ATP9B: variants seen among roughly 807,000 people sequenced by gnomAD.
ATP9B encodes the protein probable phospholipid-transporting ATPase IIB.
ATP9B carries 110 observed loss-of-function variants against 146.1 expected under a neutral mutation model. That is an observed-to-expected ratio of 0.75 (90% CI 0.65 to 0.88). The LOEUF is 0.88. Ranked by LOEUF, ATP9B falls within the 40% of genes least tolerant of loss-of-function variation. ATP9B has a pLI of 0.00. For missense variants in ATP9B, 1,499 were observed against 1,496.4 expected (o/e 1.00, Z -0.03); for synonymous variants, 604 against 569.7 (o/e 1.06, Z -0.86).
chr18:79,279,665 A>G (rs562534899), intron 13 of ATP9B, among the ~76,000 whole-genome samples: 1 of 152,382 alleles, frequency 6.6e-6, no homozygotes, highest in Admixed American at 6.5e-5. Context: ...AATCATTAAA[A>G]ATAAATGTAA....
intron 7 of ATP9B, among the ~76,000 whole-genome samples, chr18:79,162,818 C>G (rs1164053808): frequency 6.6e-6 from 1 of 152,162 alleles, no homozygotes; most frequent in Non-Finnish European, 1.5e-5. Flanking sequence ...GATTTGTGAG[C>G]TGTTGTAGGA....
intron 18 of ATP9B, among the ~76,000 whole-genome samples, chr18:79,337,078 C>T (rs555778700): frequency 8.8e-4 from 133 of 150,890 alleles, no homozygotes; most frequent in Non-Finnish European, 1.3e-3. Context: ...ACACGGAGCA[C>T]GTACACGTGT....
intron 26 of ATP9B, chr18:79,362,289 T>C (rs1486660165): frequency 6.6e-6 from 1 of 152,206 alleles, no homozygotes; most frequent in Admixed American, 6.5e-5. Context: ...CAACCTCAAG[T>C]ATAAACATTT....
intron 9 of ATP9B, among the ~76,000 whole-genome samples, chr18:79,204,420 G>A (rs1402811320): frequency 6.6e-6 from 1 of 152,062 alleles, no homozygotes; most frequent in Non-Finnish European, 1.5e-5. Context: ...ACAAATACTA[G>A]TATTACTCTT....
intron 11 of ATP9B, among the ~76,000 whole-genome samples, chr18:79,219,784 TA>T (rs1016640049): frequency 1.3e-5 from 2 of 152,164 alleles, no homozygotes; most frequent in African/African-American, 4.8e-5. Context: ...TTCCTGAGGT[TA>T]AAAAATGCTT....
In ATP9B at chr18:79,208,138, G is replaced by C. The variant is rs183826784; in HGVS notation, c.1030+1126G>C. Among the ~76,000 whole-genome samples, 369 of 152,198 alleles carry C rather than the reference G, an allele frequency of 2.4e-3. 6 individuals carry two copies. The highest frequency in any genetic ancestry group is 6.8e-3 in the Middle Eastern group (2 of 294). ...CGGGCGCCTGTAGTCCCAGCTACTC[G>C]GGGGGCTGAGGCAGGAGAATGGCGG... On this transcript the variant is annotated intron_variant, in intron 10 of 29. Coordinates refer to ENST00000426216, the MANE Select transcript of ATP9B (RefSeq NM_198531.5).
chr18:79,134,961 G>A (rs2094431054), intron 5 of ATP9B, among the ~76,000 whole-genome samples: 1 of 152,152 alleles, frequency 6.6e-6, no homozygotes, highest in Non-Finnish European at 1.5e-5. Context: ...TTGTAGTTAA[G>A]GTTTACTGCA....
Position 79,337,357 on chromosome 18 carries a change from G to A in ATP9B, c.2191G>A (p.Glu731Lys). ...VAAVVESLEREMELLCLTGVE... is the reference protein window; with the variant it reads ...VAAVVESLERKMELLCLTGVE... ...CGCGGTAGTCGAGAGCCTGGAGAGG[G>A]AGATGGAACTGCTGTGCCTCACCGG... Residue 731 changes from glutamate to lysine, a missense_variant, in exon 19 of 30, where the codon GAG becomes AAG. Transcript: ENST00000426216. 1 of 1,614,158 alleles carries A rather than the reference G, an allele frequency of 6.2e-7. No individual in the cohort carries two copies. Among genetic ancestry groups the A allele is most frequent in the Non-Finnish European group, 8.5e-7 (1 of 1,180,044 alleles).
intron 11 of ATP9B, among the ~76,000 whole-genome samples, chr18:79,224,945 G>C (rs758002991): frequency 6.6e-6 from 1 of 152,206 alleles, no homozygotes; most frequent in Non-Finnish European, 1.5e-5. Flanking sequence ...GTCTCCAGCA[G>C]CTCCCAGGAA....
At chr18:79,214,869 C>T (rs1272024130) in intron 11 of ATP9B, among the ~76,000 whole-genome samples, 1 of 152,112 alleles carries the variant, frequency 6.6e-6, no homozygotes, top group East Asian at 1.9e-4. Context: ...AAAGATAGGC[C>T]AAGCGTGGTG....
intron 2 of ATP9B, among the ~76,000 whole-genome samples, chr18:79,107,546 T>C (rs1176027176): frequency 6.6e-6 from 1 of 152,070 alleles, no homozygotes; most frequent in African/African-American, 2.4e-5. Context: ...TGCTGAGCCT[T>C]CGTAGTGTGT....
intron 3 of ATP9B, among the ~76,000 whole-genome samples, chr18:79,111,580 T>C (rs2146992983): frequency 1.3e-5 from 2 of 152,370 alleles, no homozygotes; most frequent in Middle Eastern, 3.4e-3. Context: ...CACTGTTTTC[T>C]GCTTAGGTTT....
Position 79,303,675 on chromosome 18 carries a change from A to G in ATP9B, c.1483A>G (p.Met495Val), listed in dbSNP as rs768374404. The change falls in exon 14 of 30, where the codon ATG becomes GTG. Residue 495 changes from methionine to valine, a missense_variant. By Grantham distance (21) the Met-to-Val change is conservative (BLOSUM62 1). Coordinates refer to ENST00000426216, the MANE Select transcript of ATP9B (RefSeq NM_198531.5). ...LGTVSYGADTMDEIQSHVRDS... is the reference protein window; with the variant it reads ...LGTVSYGADTVDEIQSHVRDS... Reference sequence around the variant, plus strand: ...CACCGTGTCCTATGGCGCCGACACGATGGATGAGATCCAGAGCCATGTCAG... The same window carrying G: ...CACCGTGTCCTATGGCGCCGACACGGTGGATGAGATCCAGAGCCATGTCAG... 3.1e-6 allele frequency: 5 copies of G among 1,614,080 alleles called. No individual in the cohort carries two copies. In the East Asian group the frequency reaches 1.1e-4, roughly 36 times the overall value.
At position 79,367,195 on chromosome 18, in the gene ATP9B, C is replaced by CCGTCCAT. The variant is rs1292261096; in HGVS notation, c.3013-5627_3013-5626insCCATCGT. On this transcript the variant is annotated intron_variant, in intron 26 of 29. Coordinates refer to ENST00000426216, the MANE Select transcript of ATP9B (RefSeq NM_198531.5). ...GAGCACACAGATACCTTCACCTCCA[C>CCGTCCAT]CGTGTGTATGCAGAGAAAGTGCCTC... Among the ~76,000 whole-genome samples, 3 of 85,746 alleles carry CCGTCCAT rather than the reference C, an allele frequency of 3.5e-5. 1 individual carries two copies. Among genetic ancestry groups the CCGTCCAT allele is most frequent in the African/African-American group, 1.5e-4 (3 of 19,490 alleles). The allele number at this position is 85,746 out of a possible 152,430, so 56.3% of individuals were successfully genotyped here. A position where few individuals can be genotyped will look rare whatever the true frequency, so the allele number is the denominator to read the frequency against.
At position 79,263,544 on chromosome 18, in the gene ATP9B, A is replaced by G. The variant is rs114007604; in HGVS notation, c.1268+10003A>G. Among the ~76,000 whole-genome samples the G allele has an allele frequency of 7.6e-3, 1,152 of 152,330 alleles. 18 individuals are homozygous for G. The highest frequency in any genetic ancestry group is 0.027 in the African/African-American group (1,106 of 41,572). On this transcript the variant is annotated intron_variant, in intron 12 of 29. Coordinates refer to ENST00000426216, the MANE Select transcript of ATP9B (RefSeq NM_198531.5). ...TGTTTTGCTAGTTTCTATAATTGAAATCATACTGGATGTTTTCTTTTTGTC... is the reference window on the plus strand; with the variant it reads ...TGTTTTGCTAGTTTCTATAATTGAAGTCATACTGGATGTTTTCTTTTTGTC...
At chr18:79,201,027 C>A (rs2095482368) in intron 9 of ATP9B, among the ~76,000 whole-genome samples, 1 of 152,204 alleles carries the variant, frequency 6.6e-6, no homozygotes, top group South Asian at 2.1e-4. Context: ...AAGACGTGTG[C>A]TGATGGCCTG....
chr18:79,313,884 A>G (rs1009889547), intron 15 of ATP9B, among the ~76,000 whole-genome samples: 9 of 152,342 alleles, frequency 5.9e-5, no homozygotes, highest in African/African-American at 2.2e-4. Flanking sequence ...AATGAAAACA[A>G]TAGACTTCAT....
At chr18:79,372,595 G>A (rs1462738806) in intron 26 of ATP9B, 1 of 653,040 alleles carries the variant, frequency 1.5e-6, no homozygotes, top group Non-Finnish European at 2.8e-6. Flanking sequence ...AAGACAACAT[G>A]AACGTCTAAC....
At chr18:79,350,812 A>T (rs1466746623) in intron 25 of ATP9B, among the ~76,000 whole-genome samples, 2 of 144,514 alleles carry the variant, frequency 1.4e-5, no homozygotes, top group African/African-American at 5.2e-5. Context: ...TGTGTCGCCC[A>T]GGCTGGAGTG....
Sources: allele counts gnomAD v4.1 joint callset (sites outside exome capture counted in the v4.1 genomes callset), GRCh38; gene constraint gnomAD v4.1.1; transcripts MANE v1.5; gene names NCBI Gene and HGNC (gene_info 2026-07-23, HGNC 2026-07-21).